GSDMD: variants seen among roughly 807,000 people sequenced by gnomAD.
The protein encoded by GSDMD is gasdermin D, also known as gasdermin-D.
Under a neutral mutation model 46.7 loss-of-function variants are expected in GSDMD, and 46 were observed. The observed-to-expected ratio is 0.99, with a 90% CI of 0.78 to 1.26. GSDMD has a LOEUF of 1.26. GSDMD is among the 50% of genes most tolerant of loss of function. The pLI, the probability that GSDMD is intolerant of heterozygous loss-of-function variation, is 0.00. For missense variants in GSDMD, 649 were observed against 638.8 expected (o/e 1.02, Z -0.17); for synonymous variants, 307 against 283.1 (o/e 1.08, Z -0.85).
At chr8:143,561,679 C>T in intron 6 of GSDMD, 63 bp from the exon 7 acceptor site, 3 of 1,367,086 alleles carry the variant, frequency 2.2e-6, no homozygotes, top group Non-Finnish European at 3.1e-6. Flanking sequence ...GGCCTCAGCC[C>T]TCTCTGGCTC....
rs199942404 is a variant in GSDMD at position 143,562,137 on chromosome 8, C to A, written c.996+6C>A. 3.8e-6 allele frequency: 6 copies of A among 1,597,718 alleles called. No homozygotes were observed. The highest frequency in any genetic ancestry group is 5.1e-6 in the Non-Finnish European group (6 of 1,179,094). On this transcript the variant is annotated splice_donor_region_variant and intron_variant, in intron 8 of 10. Coordinates refer to ENST00000262580, the MANE Select transcript of GSDMD (RefSeq NM_024736.7). ...TGCGAGCCTTGGAGGAGGCGGTGAG[C>A]GGGGGAGGGTGCCCGGGGCACACAA...
At chr8:143,557,458 T>TTTGGCGAAGG (rs1491473000), upstream of GSDMD, among the ~76,000 whole-genome samples, 6 of 150,666 alleles carry the variant, frequency 4.0e-5, no homozygotes, top group South Asian at 2.1e-4. Flanking sequence ...ATGCTGCCGC[T>TTTGGCGAAGG]ATGATGAAGG....
upstream of GSDMD, chr8:143,558,337 C>T (rs1214676411): frequency 8.5e-6 from 13 of 1,522,964 alleles, no homozygotes; most frequent in South Asian, 2.4e-5. Context: ...GCGGGCCCTG[C>T]GTCAGGTTGC....
chr8:143,558,286 C>CG, upstream of GSDMD: 3 of 1,385,548 alleles, frequency 2.2e-6, no homozygotes, highest in Non-Finnish European at 2.9e-6. Flanking sequence ...GGAAGGGGGC[C>CG]GGGGCGGGCT....
intron 1 of GSDMD, 36 bp from the exon 2 acceptor site, chr8:143,559,296 C>CCCAGG: frequency 9.5e-7 from 1 of 1,052,406 alleles, no homozygotes; most frequent in Non-Finnish European, 1.4e-6. Context: ...CCGCCCGCCC[C>CCCAGG]GAGAGCACAA....
In GSDMD at chr8:143,561,014, G is replaced by C. The variant is rs769149784; in HGVS notation, c.592G>C (p.Gly198Arg). The change falls in exon 5 of 11, where the codon GGC (glycine) becomes CGC (arginine). Residue 198 changes from glycine (G) to arginine (R), a missense_variant. Gly to Arg is a moderately radical substitution (Grantham distance 125, BLOSUM62 -2). Transcript: ENST00000262580. ...GATCLQGEGQ[G>R]HLSQKKTVTI... Reference sequence around the variant, plus strand: ...CTCCATGCCTCAGGGTGAGGGCCAGGGCCATCTGAGCCAGAAGAAGACGGT... The same window carrying C: ...CTCCATGCCTCAGGGTGAGGGCCAGCGCCATCTGAGCCAGAAGAAGACGGT... 3.1e-6 allele frequency: 5 copies of C among 1,612,690 alleles called. No homozygotes were observed. The East Asian group carries it at 1.1e-4, about 36-fold the overall frequency.
intron 3 of GSDMD, chr8:143,560,219 G>A: frequency 2.9e-6 from 2 of 693,304 alleles, no homozygotes; most frequent in Non-Finnish European, 5.3e-6. Flanking sequence ...CATCAGGAAA[G>A]TCCCAGAGGC....
At chr8:143,556,701 C>T (rs1247880889), upstream of GSDMD, among the ~76,000 whole-genome samples, 2 of 152,190 alleles carry the variant, frequency 1.3e-5, no homozygotes, top group Non-Finnish European at 2.9e-5. Flanking sequence ...GCTGGGAGGG[C>T]CGGGTGGGAG....
upstream of GSDMD, among the ~76,000 whole-genome samples, chr8:143,557,287 C>T (rs112434145): frequency 0.022 from 3,168 of 146,574 alleles, 161 homozygotes; most frequent in African/African-American, 0.08. Context: ...TCCACCTTGC[C>T]GCTATGGCGA....
chr8:143,561,544 G>A, intron 6 of GSDMD, 121 bp downstream of exon 6: 1 of 1,057,946 alleles, frequency 9.5e-7, no homozygotes. Flanking sequence ...CTGAGGCGGT[G>A]GGCACCCCCC....
At position 143,562,289 on chromosome 8, in the gene GSDMD, C is replaced by T; in HGVS notation, c.1077C>T (p.Ser359=). The change falls in exon 9 of 11, where the codon TCC becomes TCT. Residue 359 remains serine (S), a synonymous_variant. Transcript: ENST00000262580. ...CTGTCCTGGAGTGCCTGGTGTTGTC[C>T]TCCGGAATGCTGGTGCCGGAACTCG... ...AGAVLECLVL[S]SGMLVPELAI... is the part of the protein sequence containing the mutation. 2.6e-6 allele frequency: 4 copies of T among 1,555,924 alleles called. No homozygotes were observed. Among genetic ancestry groups the T allele is most frequent in the Non-Finnish European group, 3.5e-6 (4 of 1,150,856 alleles).
intron 1 of GSDMD, 37 bp from the exon 2 acceptor site, chr8:143,559,295 C>CCCCCA: frequency 1.0e-6 from 1 of 1,000,264 alleles, no homozygotes; most frequent in Non-Finnish European, 1.5e-6. Flanking sequence ...CCCGCCCGCC[C>CCCCCA]CGAGAGCACA....
chr8:143,557,332 T>TGTGACGACAG (rs1823320339), upstream of GSDMD, among the ~76,000 whole-genome samples: 9 of 43,498 alleles, frequency 2.1e-4, no homozygotes, highest in East Asian at 1.3e-3. Flanking sequence ...ATGCTGCCGC[T>TGTGACGACAG]ATGGTGAAGG....
Position 143,562,075 on chromosome 8 carries a change from G to A in GSDMD, c.940G>A (p.Glu314Lys), listed in dbSNP as rs2130572857. 1 of 1,596,182 alleles carries A rather than the reference G, an allele frequency of 6.3e-7. No homozygotes were observed. The highest frequency in any genetic ancestry group is 8.5e-7 in the Non-Finnish European group (1 of 1,176,624). Residue 314 changes from glutamate to lysine, a missense_variant, in exon 8 of 11, where the codon GAG becomes AAG. Coordinates refer to ENST00000262580, the MANE Select transcript of GSDMD (RefSeq NM_024736.7). ...LDRELCQLLLEGLEGVLRDQL... is the reference protein window; with the variant it reads ...LDRELCQLLLKGLEGVLRDQL... ...CAGAGAGCTGTGCCAGCTGCTGCTGGAGGGCCTGGAGGGGGTGCTGCGGGA... is the reference window on the plus strand; with the variant it reads ...CAGAGAGCTGTGCCAGCTGCTGCTGAAGGGCCTGGAGGGGGTGCTGCGGGA...
chr8:143,561,738 C>G lies in GSDMD; in HGVS notation c.737-4C>G. The G allele has an allele frequency of 6.2e-7, 1 of 1,604,122 alleles. No homozygotes were observed. The highest frequency in any genetic ancestry group is 8.5e-7 in the Non-Finnish European group (1 of 1,176,092). On this transcript the variant is annotated splice_region_variant and splice_polypyrimidine_tract_variant and intron_variant, in intron 6 of 10. Coordinates refer to ENST00000262580, the MANE Select transcript of GSDMD (RefSeq NM_024736.7). ...CAGCCCTGCCCTCCCATGCCCCTGC[C>G]CAGGCCACAAGCGTTCCACGAGCGA...
rs151156830 is a variant in GSDMD, at chr8:143,558,807, CT to C, written c.-5+357del. 4,553 of 579,850 alleles carry C rather than the reference CT, an allele frequency of 7.9e-3. 140 individuals carry two copies. The highest frequency in any genetic ancestry group is 0.069 in the African/African-American group (3,721 of 54,148). The allele number at this position is 579,850 out of a possible 1,614,324, so 35.9% of individuals were successfully genotyped here. ...CCCTCCACAGTGGCCCAGGTGCCCCCTATCCCAGCGGAGGCCCGCTATGGCC... is the reference window on the plus strand; with the variant it reads ...CCCTCCACAGTGGCCCAGGTGCCCCCATCCCAGCGGAGGCCCGCTATGGCC... On this transcript the variant is annotated intron_variant, in intron 1 of 10. Coordinates refer to ENST00000262580, the MANE Select transcript of GSDMD (RefSeq NM_024736.7).
chr8:143,559,047 G>A (rs987471389), intron 1 of GSDMD: 1 of 544,228 alleles, frequency 1.8e-6, no homozygotes, highest in Admixed American at 3.1e-5. Context: ...CCATTCTAGT[G>A]GACAGAGCCC....
At chr8:143,558,042 G>A, upstream of GSDMD, 1 of 380,154 alleles carries the variant, frequency 2.6e-6, no homozygotes, top group South Asian at 2.1e-5. Context: ...TCACAGGCAT[G>A]CGCCACCACG....
chr8:143,562,577 C>T, intron 10 of GSDMD, 56 bp downstream of exon 10: 3 of 1,596,866 alleles, frequency 1.9e-6, no homozygotes, highest in Non-Finnish European at 2.6e-6. Flanking sequence ...GGAAGGGGCC[C>T]TGTGGCACCT....
Sources: allele counts gnomAD v4.1 joint callset (sites outside exome capture counted in the v4.1 genomes callset), GRCh38; gene constraint gnomAD v4.1.1; transcripts MANE v1.5; gene names NCBI Gene and HGNC (gene_info 2026-07-23, HGNC 2026-07-21).